TBC1D1: variants seen among roughly 807,000 people sequenced by gnomAD.
TBC1D1 encodes the protein TBC1 domain family member 1, also known as TBC1 (tre-2/USP6, BUB2, cdc16) domain family, member 1.
A neutral mutation model predicts 125.6 loss-of-function variants in TBC1D1; 89 were observed. The ratio of observed to expected loss-of-function variants is 0.71; its 90% confidence interval spans 0.60 to 0.85. TBC1D1 has a LOEUF of 0.85. Among genes scored for constraint, TBC1D1 ranks in the 40% least tolerant of loss-of-function variants. The probability of loss-of-function intolerance (pLI) is 0.00; values close to 1 mark genes in which losing one functional copy is unlikely to be tolerated. For missense variants in TBC1D1, 1,377 were observed against 1,469.2 expected (o/e 0.94, Z 1.03); for synonymous variants, 565 against 564.1 (o/e 1.00, Z -0.02).
intron 13 of TBC1D1, 44 bp downstream of exon 15, chr4:38,090,161 G>A (rs1215499516): frequency 6.3e-7 from 1 of 1,590,662 alleles, no homozygotes; most frequent in East Asian, 2.2e-5. Context: ...GTCTTATCTT[G>A]GCTCTGAAGT....
intron 12 of TBC1D1, chr4:38,060,528 A>T: frequency 1.3e-6 from 1 of 747,556 alleles, no homozygotes; most frequent in Non-Finnish European, 1.9e-6. Flanking sequence ...TCTTCTTTTG[A>T]GAAGTGTCTG....
At position 38,049,262 on chromosome 4, in the gene TBC1D1, A is replaced by G. The variant is rs1027085420; in HGVS notation, c.1630-356A>G. 3.3e-5 allele frequency among the ~76,000 whole-genome samples: 5 copies of G among 152,178 alleles called. No individual in the cohort carries two copies. In the East Asian group the frequency reaches 5.8e-4, roughly 18 times the overall value. On this transcript the variant is annotated intron_variant, in intron 10 of 19. Transcript: ENST00000261439. ...GATAAAGAACTTGGTTAAGCAGTGGAGACAAGTTCTCCAGCACTCACACCC... is the reference window on the plus strand; with the variant it reads ...GATAAAGAACTTGGTTAAGCAGTGGGGACAAGTTCTCCAGCACTCACACCC...
intron 12 of TBC1D1, among the ~76,000 whole-genome samples, chr4:38,056,922 G>T (rs10031594): frequency 0.57 from 87,002 of 152,080 alleles, 25,972 homozygotes; most frequent in African/African-American, 0.75. Context: ...TGAGTCTTGA[G>T]TCTGGTGACC....
chr4:38,079,495 G>A (rs1245258399), intron 12 of TBC1D1, among the ~76,000 whole-genome samples: 2 of 152,102 alleles, frequency 1.3e-5, no homozygotes, highest in Admixed American at 6.5e-5. Context: ...AGGCCGAGGC[G>A]GGCAGATCAC....
At chr4:37,986,713 C>T (rs945984406) in intron 2 of TBC1D1, among the ~76,000 whole-genome samples, 1 of 152,050 alleles carries the variant, frequency 6.6e-6, no homozygotes, top group Non-Finnish European at 1.5e-5. Flanking sequence ...ATTACAGGTG[C>T]GAGCCACTGT....
chr4:38,042,989 G>A (rs1748683383), intron 8 of TBC1D1, among the ~76,000 whole-genome samples: 1 of 151,852 alleles, frequency 6.6e-6, no homozygotes, highest in South Asian at 2.1e-4. Flanking sequence ...GCAACCTCCG[G>A]CTTCTGAGTT....
At chr4:38,019,919 G>T (rs2152434372) in intron 4 of TBC1D1, among the ~76,000 whole-genome samples, 1 of 152,042 alleles carries the variant, frequency 6.6e-6, no homozygotes, top group South Asian at 2.1e-4. Context: ...TAACCTTTGG[G>T]TGTGTATGTG....
At chr4:37,919,479 C>T (rs1276010340) in intron 2 of TBC1D1, among the ~76,000 whole-genome samples, 2 of 151,962 alleles carry the variant, frequency 1.3e-5, no homozygotes, top group East Asian at 3.9e-4. Context: ...AGCCACCGCG[C>T]CTGGCTAAGG....
rs200473704 is a variant in TBC1D1, at chr4:37,945,748, A to G, written c.417+43236A>G. ...TACAAAGCCTTTCTATTGGAAATCA[A>G]TGCTGTATTAGTATCTAAACTGGTA... On this transcript the variant is annotated intron_variant, in intron 2 of 19. Transcript: ENST00000261439. Among the ~76,000 whole-genome samples, 8 of 152,190 alleles carry G rather than the reference A, an allele frequency of 5.3e-5. No individual in the cohort carries two copies. In the East Asian group the frequency reaches 1.5e-3, roughly 29 times the overall value.
intron 15 of TBC1D1, among the ~76,000 whole-genome samples, chr4:38,105,808 A>G (rs887731479): frequency 6.6e-6 from 1 of 152,184 alleles, no homozygotes; most frequent in Non-Finnish European, 1.5e-5. Flanking sequence ...CATGGTGTCC[A>G]TATATCACAT....
At chr4:38,015,515 A>G (rs1010345770) in intron 3 of TBC1D1, among the ~76,000 whole-genome samples, 1 of 152,096 alleles carries the variant, frequency 6.6e-6, no homozygotes, top group Non-Finnish European at 1.5e-5. Context: ...AATGCTAGAA[A>G]AGGACTGAAC....
intron 2 of TBC1D1, among the ~76,000 whole-genome samples, chr4:38,007,291 C>T (rs1448977008): frequency 2.0e-5 from 3 of 151,960 alleles, no homozygotes; most frequent in Non-Finnish European, 4.4e-5. Context: ...CTTGCTCTGT[C>T]GCCCAGGCTG....
intron 2 of TBC1D1, among the ~76,000 whole-genome samples, chr4:37,994,918 A>G (rs1202924815): frequency 2.6e-5 from 4 of 151,332 alleles, no homozygotes; most frequent in East Asian, 1.9e-4. Context: ...GACTAACTCC[A>G]TGGGTGATTA....
chr4:38,134,178 T>C (rs1766078391), intron 19 of TBC1D1, among the ~76,000 whole-genome samples: 1 of 152,202 alleles, frequency 6.6e-6, no homozygotes, highest in Non-Finnish European at 1.5e-5. Flanking sequence ...TCCATTCTGA[T>C]CTAAGCCTCT....
At chr4:38,120,072 C>T in intron 17 of TBC1D1, 13 of 985,422 alleles carry the variant, frequency 1.3e-5, no homozygotes, top group Middle Eastern at 5.2e-4. Context: ...GAAGCTCACT[C>T]TAATGACTTC....
chr4:37,985,953 A>G (rs936366987), intron 2 of TBC1D1, among the ~76,000 whole-genome samples: 1 of 152,118 alleles, frequency 6.6e-6, no homozygotes, highest in African/African-American at 2.4e-5. Context: ...AGGAAATACT[A>G]CTGGTAGTTT....
chr4:38,013,059 C>G (rs1741878494), intron 2 of TBC1D1, among the ~76,000 whole-genome samples: 1 of 152,150 alleles, frequency 6.6e-6, no homozygotes, highest in Non-Finnish European at 1.5e-5. Context: ...TCCCAAAGTG[C>G]TGGGATTACA....
At chr4:37,974,840 T>C (rs1297661238) in intron 2 of TBC1D1, among the ~76,000 whole-genome samples, 1 of 152,216 alleles carries the variant, frequency 6.6e-6, no homozygotes, top group Non-Finnish European at 1.5e-5. Flanking sequence ...ATTACAGGCA[T>C]GAGCCACCAC....
chr4:37,920,147 T>TGTGTGCCAGGCA (rs1389540615), intron 2 of TBC1D1, among the ~76,000 whole-genome samples: 1 of 152,164 alleles, frequency 6.6e-6, no homozygotes, highest in Non-Finnish European at 1.5e-5. Context: ...ATTAACTGTC[T>TGTGTGCCAGGCA]GTGTGCCAGG....
Sources: gnomAD v4.1 joint callset for allele counts (sites outside exome capture counted in the v4.1 genomes callset) on GRCh38, gnomAD v4.1.1 for gene constraint, MANE v1.5 for transcripts, NCBI Gene and HGNC (gene_info 2026-07-23, HGNC 2026-07-21) for gene names.